Variants in CD28 observed in about 807,000 individuals in gnomAD.
CD28 encodes T-cell-specific surface glycoprotein CD28.
CD28 carries 8 observed loss-of-function variants against 21.4 expected under a neutral mutation model. The ratio of observed to expected loss-of-function variants is 0.37; its 90% CI spans 0.22 to 0.68. The LOEUF (loss-of-function observed/expected upper bound fraction) is 0.68, where lower values mean the gene tolerates loss of function less well. Ranked by LOEUF, CD28 falls within the 30% of genes least tolerant of loss-of-function variation. The probability of loss-of-function intolerance (pLI) is 0.55; values close to 1 mark genes in which losing one functional copy is unlikely to be tolerated. For synonymous variants in CD28, 106 were observed against 104.0 expected (o/e 1.02, Z -0.12); for missense variants, 239 against 272.2 (o/e 0.88, Z 0.86).
chr2:203,725,197 G>A lies in CD28; in HGVS notation c.53-1436G>A, dbSNP rs938203112. On this transcript the variant is annotated intron_variant, in intron 1 of 3. Transcript: ENST00000324106. ...CCCAGCTACTCGGGAGGCTGAGGCA[G>A]GAGAATCACCTGAACCCAGAGGGCG... Among the ~76,000 whole-genome samples, 23 of 151,858 alleles carry A rather than the reference G, an allele frequency of 1.5e-4. 1 individual carries two copies. The highest frequency in any genetic ancestry group is 3.1e-4 in the Non-Finnish European group (21 of 68,016).
Position 203,729,767 on chromosome 2 carries a change from T to A in CD28, c.529T>A (p.Phe177Ile), listed in dbSNP as rs1693840680. 6.2e-7 allele frequency: 1 copy of A among 1,613,454 alleles called. No individual in the cohort carries two copies. Among genetic ancestry groups the A allele is most frequent in the African/African-American group, 1.3e-5 (1 of 75,002 alleles). ...GCTAGTAACAGTGGCCTTTATTATT[T>A]TCTGGGTAAGAGAAGCAGCACTGCT... ...SLLVTVAFIIFWVRSKRSRLL... is the reference protein window; with the variant it reads ...SLLVTVAFIIIWVRSKRSRLL... The change falls in exon 3 of 4, where the codon TTC becomes ATC. Residue 177 changes from phenylalanine (F) to isoleucine (I), a missense_variant. Phe to Ile is a conservative substitution (Grantham distance 21). Coordinates refer to ENST00000324106, the MANE Select transcript of CD28 (RefSeq NM_006139.4).
intron 1 of CD28, among the ~76,000 whole-genome samples, chr2:203,713,890 T>C (rs372684252): frequency 1.5e-5 from 2 of 129,346 alleles, no homozygotes; most frequent in African/African-American, 6.0e-5. Context: ...AGAGAGAGAG[T>C]GTGTGTGTGT....
intron 2 of CD28, among the ~76,000 whole-genome samples, chr2:203,728,016 T>C (rs1269083632): frequency 6.6e-6 from 1 of 152,074 alleles, no homozygotes; most frequent in East Asian, 1.9e-4. Context: ...TTCACCGTGT[T>C]AGCAAGGATG....
At chr2:203,723,742 C>T (rs533389103) in intron 1 of CD28, among the ~76,000 whole-genome samples, 3 of 152,266 alleles carry the variant, frequency 2.0e-5, no homozygotes, top group Admixed American at 1.3e-4. Context: ...TGAACAATAA[C>T]AAGTGTCGGC....
intron 1 of CD28, among the ~76,000 whole-genome samples, chr2:203,720,820 T>C (rs905533757): frequency 6.6e-6 from 1 of 152,244 alleles, no homozygotes; most frequent in Non-Finnish European, 1.5e-5. Context: ...GAAATCAGAA[T>C]TATTGTGTTT....
chr2:203,727,041 C>T (rs1329872163), intron 2 of CD28, 52 bp downstream of exon 2: 1 of 1,151,944 alleles, frequency 8.7e-7, no homozygotes, highest in African/African-American at 1.5e-5. Context: ...TTTTCAAATG[C>T]AGTCCTGAAA....
intron 1 of CD28, among the ~76,000 whole-genome samples, chr2:203,724,810 T>G (rs1693696205): frequency 1.3e-5 from 2 of 152,230 alleles, no homozygotes; most frequent in Admixed American, 1.3e-4. Context: ...ATTGTAAATT[T>G]CATTTAAAAA....
chr2:203,734,720 C>T (rs2106126097), intron 3 of CD28, 64 bp from the exon 4 acceptor site: 1 of 1,576,290 alleles, frequency 6.3e-7, no homozygotes, highest in Non-Finnish European at 8.7e-7. Context: ...AATAGTTGTG[C>T]CCACAGTCTT....
intron 2 of CD28, among the ~76,000 whole-genome samples, chr2:203,728,464 T>C (rs546893399): frequency 3.9e-5 from 6 of 152,252 alleles, no homozygotes; most frequent in Non-Finnish European, 8.8e-5. Context: ...TTCAGTTTTG[T>C]ACTGAATCCT....
At chr2:203,709,057 G>A (rs1693241950) in intron 1 of CD28, among the ~76,000 whole-genome samples, 1 of 152,012 alleles carries the variant, frequency 6.6e-6, no homozygotes, top group Non-Finnish European at 1.5e-5. Context: ...GGGACGCGGA[G>A]GTTGCTGTGA....
chr2:203,727,204 G>A (rs984901778), intron 2 of CD28, among the ~76,000 whole-genome samples: 1 of 152,162 alleles, frequency 6.6e-6, no homozygotes, highest in African/African-American at 2.4e-5. Context: ...CTGACATTGA[G>A]CGGGAGAGTA....
At chr2:203,713,226 T>C (rs181861468) in intron 1 of CD28, among the ~76,000 whole-genome samples, 13 of 152,344 alleles carry the variant, frequency 8.5e-5, no homozygotes, top group Admixed American at 2.6e-4. Flanking sequence ...CAAACTTTAT[T>C]TTCAAGTCAT....
chr2:203,730,244 TGA>T (rs764107298), intron 3 of CD28, among the ~76,000 whole-genome samples: 2 of 152,220 alleles, frequency 1.3e-5, no homozygotes, highest in Non-Finnish European at 2.9e-5. Flanking sequence ...TCTGTTTATC[TGA>T]GTCATATTTT....
In CD28 at chr2:203,735,054, T is replaced by A; in HGVS notation, c.*142T>A. On this transcript the variant is annotated 3_prime_UTR_variant, in exon 4 of 4. Coordinates refer to ENST00000324106, the MANE Select transcript of CD28 (RefSeq NM_006139.4). ...CCAATGCCAATTTTTCTCGAGTGAC[T>A]AGACCAAATATCAAGATCATTTTGA... 1 of 850,650 alleles carries A rather than the reference T, an allele frequency of 1.2e-6. No individual in the cohort carries two copies. The highest frequency in any genetic ancestry group is 1.8e-6 in the Non-Finnish European group (1 of 551,418). 52.7% of individuals were successfully genotyped at this position (850,650 alleles called of 1,614,324 possible).
chr2:203,717,966 A>G (rs1372688255), intron 1 of CD28, among the ~76,000 whole-genome samples: 2 of 152,202 alleles, frequency 1.3e-5, no homozygotes, highest in East Asian at 1.9e-4. Flanking sequence ...TTGCATTATT[A>G]TCATTATTAT....
chr2:203,717,193 C>T (rs1490750355), intron 1 of CD28, among the ~76,000 whole-genome samples: 1 of 152,064 alleles, frequency 6.6e-6, no homozygotes, highest in African/African-American at 2.4e-5. Flanking sequence ...TATATTGTTA[C>T]CTATAATCAT....
Position 203,737,128 on chromosome 2 carries a change from G to T in CD28, c.*2216G>T, listed in dbSNP as rs200914105. On this transcript the variant is annotated 3_prime_UTR_variant, in exon 4 of 4. Transcript: ENST00000324106. Reference sequence around the variant, plus strand: ...CTCCCACTTTTATGTATAGAAAGAGGTCTTTTAATTTTTTTTTAATGTGAG... The same window carrying T: ...CTCCCACTTTTATGTATAGAAAGAGTTCTTTTAATTTTTTTTTAATGTGAG... 1 of 152,142 alleles carries T rather than the reference G, an allele frequency of 6.6e-6. No homozygotes were observed. The highest frequency in any genetic ancestry group is 2.1e-4 in the South Asian group (1 of 4,818). 9.4% of individuals were successfully genotyped at this position (152,142 alleles called of 1,614,324 possible).
chr2:203,724,002 G>A (rs1693676288), intron 1 of CD28, among the ~76,000 whole-genome samples: 1 of 152,168 alleles, frequency 6.6e-6, no homozygotes, highest in African/African-American at 2.4e-5. Flanking sequence ...ACAAAATGTA[G>A]TATAGCCATA....
rs528806849 is a variant in CD28, at chr2:203,709,466, C to G, written c.52+2718C>G. ...AATATTTATTCTATAAAGGTTAAGT[C>G]TAACCTGATTCCTTATGAGTTGGAT... On this transcript the variant is annotated intron_variant, in intron 1 of 3. Coordinates refer to ENST00000324106, the MANE Select transcript of CD28 (RefSeq NM_006139.4). 2.6e-5 allele frequency among the ~76,000 whole-genome samples: 4 copies of G among 152,234 alleles called. No individual in the cohort carries two copies. The South Asian group carries it at 8.3e-4, about 32-fold the overall frequency.
Sources: allele counts gnomAD v4.1 joint callset (sites outside exome capture counted in the v4.1 genomes callset), GRCh38; gene constraint gnomAD v4.1.1; transcripts MANE v1.5; gene names NCBI Gene and HGNC (gene_info 2026-07-23, HGNC 2026-07-21).